The following RGPD2 variants were observed in gnomAD, a reference collection of about 807,000 sequenced individuals.
RGPD2 encodes the protein RANBP2 like and GRIP domain containing 2.
RGPD2 carries 2 observed loss-of-function variants against 36.0 expected under a neutral mutation model. The ratio of observed to expected loss-of-function variants is 0.06; its 90% CI spans 0.02 to 0.17. The LOEUF is 0.17. Ranked by LOEUF, RGPD2 falls within the 10% of genes least tolerant of loss-of-function variation. The probability of loss-of-function intolerance (pLI) is 1.00; values close to 1 mark genes in which losing one functional copy is unlikely to be tolerated. For missense variants in RGPD2, 40 were observed against 464.3 expected, an observed-to-expected ratio of 0.09 and a Z score of 8.40; for synonymous variants, 19 against 163.8, an observed-to-expected ratio of 0.12 and a Z score of 6.75.
the RGPD2 span, among the ~76,000 whole-genome samples, chr2:87,971,486 T>TATATAAATATATA: frequency 7.6e-6 from 1 of 132,132 alleles, no homozygotes; most frequent in Non-Finnish European, 1.6e-5. Context: ...GAATATATTA[T>TATATAAATATATA]TATCTTCTCT....
At chr2:87,842,736 A>T in the RGPD2 span, among the ~76,000 whole-genome samples, 2 of 152,130 alleles carry the variant, frequency 1.3e-5, no homozygotes, top group African/African-American at 4.8e-5. Flanking sequence ...GAACCAAAAA[A>T]GAGCCCGCAT....
chr2:87,977,551 T>G, the RGPD2 span, among the ~76,000 whole-genome samples: 2 of 147,440 alleles, frequency 1.4e-5, no homozygotes, highest in East Asian at 3.9e-4. Flanking sequence ...TGGTGGCTCA[T>G]GCCTGTAATC....
the RGPD2 span, among the ~76,000 whole-genome samples, chr2:87,873,877 G>T: frequency 6.7e-6 from 1 of 150,152 alleles, no homozygotes; most frequent in Non-Finnish European, 1.5e-5. Flanking sequence ...CCCACAACAC[G>T]TGGAGATTAT....
the RGPD2 span, among the ~76,000 whole-genome samples, chr2:87,954,994 CTTTTTTTT>C: frequency 9.4e-4 from 18 of 19,186 alleles, 1 homozygote; most frequent in East Asian, 0.021. Flanking sequence ...CTGCTTGAAA[CTTTTTTTT>C]TTTTTTTTTT....
the RGPD2 span, among the ~76,000 whole-genome samples, chr2:87,834,312 C>T: frequency 1.3e-5 from 2 of 151,932 alleles, no homozygotes; most frequent in Admixed American, 1.3e-4. Flanking sequence ...GGTATCTGTG[C>T]ACACCATTTG....
the RGPD2 span, among the ~76,000 whole-genome samples, chr2:87,985,265 C>T: frequency 2.0e-5 from 3 of 151,152 alleles, no homozygotes; most frequent in Admixed American, 2.0e-4. Context: ...TTAAATCTCC[C>T]TCAAATCAAA....
the RGPD2 span, among the ~76,000 whole-genome samples, chr2:87,960,502 T>C: frequency 2.2e-5 from 1 of 45,946 alleles, no homozygotes; most frequent in Admixed American, 2.8e-4. Context: ...TTCAATAATT[T>C]AGAACAATAG....
chr2:87,939,616 G>A, the RGPD2 span, among the ~76,000 whole-genome samples: 2 of 151,854 alleles, frequency 1.3e-5, no homozygotes, highest in African/African-American at 4.8e-5. Flanking sequence ...ATCCAAGATG[G>A]TTATTTATGG....
At chr2:87,988,541 A>ATATATTT in the RGPD2 span, among the ~76,000 whole-genome samples, 652 of 54,138 alleles carry the variant, frequency 0.012, 21 homozygotes, top group African/African-American at 0.027. Flanking sequence ...ATATATATAT[A>ATATATTT]TTTTTTTTTT....
chr2:87,964,115 G>A, the RGPD2 span, among the ~76,000 whole-genome samples: 8 of 152,208 alleles, frequency 5.3e-5, no homozygotes, highest in South Asian at 2.1e-4. Context: ...ACAGGTGCCC[G>A]GCATCCACCG....
chr2:87,864,848 G>T, the RGPD2 span, among the ~76,000 whole-genome samples: 1 of 152,128 alleles, frequency 6.6e-6, no homozygotes, highest in Non-Finnish European at 1.5e-5. Flanking sequence ...ACATGTTCTG[G>T]ATATAAATCC....
intron 22 of RGPD2, among the ~76,000 whole-genome samples, chr2:87,763,164 GT>G (rs1257855032): frequency 1.6e-5 from 1 of 61,176 alleles, no homozygotes; most frequent in Non-Finnish European, 3.0e-5. Context: ...TGCTAGTAGT[GT>G]TTTTTTTTCT....
chr2:87,882,047 G>A, the RGPD2 span, among the ~76,000 whole-genome samples: 1 of 152,244 alleles, frequency 6.6e-6, no homozygotes, highest in East Asian at 1.9e-4. Context: ...ACAACCAGAT[G>A]ACCATTACAA....
intron 1 of RGPD2, among the ~76,000 whole-genome samples, chr2:87,824,376 T>C (rs1301961193): frequency 6.6e-6 from 1 of 152,004 alleles, no homozygotes; most frequent in African/African-American, 2.4e-5. Context: ...TAGAAAGATA[T>C]GATATACAGA....
chr2:87,915,359 A>T, the RGPD2 span, among the ~76,000 whole-genome samples: 2 of 73,570 alleles, frequency 2.7e-5, no homozygotes, highest in African/African-American at 4.5e-5. Flanking sequence ...TATATATATT[A>T]TATATATATG....
At chr2:87,802,821 G>GT (rs2104325395) in intron 7 of RGPD2, among the ~76,000 whole-genome samples, 1 of 24,738 alleles carries the variant, frequency 4.0e-5, no homozygotes, top group East Asian at 7.0e-4. Flanking sequence ...AGCACACAAA[G>GT]TAAGAAACAA....
intron 1 of RGPD2, among the ~76,000 whole-genome samples, chr2:87,825,424 C>CCGT (rs1558739391): frequency 8.4e-6 from 1 of 119,554 alleles, no homozygotes; most frequent in African/African-American, 2.7e-5. Flanking sequence ...GAGGCCGCCG[C>CCGT]CGCCGCCGCC....
chr2:87,830,372 C>A (rs1190248171), upstream of RGPD2, among the ~76,000 whole-genome samples: 2 of 152,178 alleles, frequency 1.3e-5, no homozygotes, highest in African/African-American at 2.4e-5. Context: ...CATCTGAGAC[C>A]ACCTCAGCCT....
intron 1 of RGPD2, chr2:87,824,982 C>G (rs1171134863): frequency 7.2e-5 from 28 of 390,914 alleles, no homozygotes; most frequent in Non-Finnish European, 1.1e-4. Flanking sequence ...ACCATAATTG[C>G]CCCCATACTT....
Sources: gnomAD v4.1 joint callset for allele counts (sites outside exome capture counted in the v4.1 genomes callset) on GRCh38, gnomAD v4.1.1 for gene constraint, MANE v1.5 for transcripts, NCBI Gene and HGNC (gene_info 2026-07-23, HGNC 2026-07-21) for gene names.